The following STX17 variants were observed in gnomAD, a reference collection of about 807,000 sequenced individuals.
STX17 encodes the protein syntaxin 17.
Under a neutral mutation model 35.9 loss-of-function variants are expected in STX17, and 29 were observed. That is an observed-to-expected ratio of 0.81 (90% CI 0.60 to 1.10). STX17 has a LOEUF of 1.10. Among genes scored for constraint, STX17 ranks in the 50% least tolerant of loss-of-function variants. The pLI, the probability that STX17 is intolerant of heterozygous loss-of-function variation, is 0.00. For missense variants in STX17, 312 were observed against 352.3 expected (o/e 0.89, Z 0.92); for synonymous variants, 92 against 118.3 (o/e 0.78, Z 1.44).
chr9:99,958,696 T>A (rs1261644731), intron 4 of STX17, among the ~76,000 whole-genome samples: 1 of 152,250 alleles, frequency 6.6e-6, no homozygotes, highest in East Asian at 1.9e-4. Context: ...CCATTGTGTC[T>A]GCAGCACCTC....
intron 3 of STX17, among the ~76,000 whole-genome samples, chr9:99,940,084 A>G (rs1234866454): frequency 1.3e-5 from 2 of 152,144 alleles, no homozygotes; most frequent in East Asian, 3.8e-4. Flanking sequence ...ACCATATTGG[A>G]TTCTTTAGAT....
intron 3 of STX17, among the ~76,000 whole-genome samples, chr9:99,944,692 T>A (rs1450541965): frequency 1.3e-5 from 2 of 151,994 alleles, no homozygotes; most frequent in Non-Finnish European, 2.9e-5. Flanking sequence ...TTTTTTGTAT[T>A]TTTAGTAGAG....
intron 4 of STX17, among the ~76,000 whole-genome samples, chr9:99,957,736 C>A (rs1369130436): frequency 6.6e-6 from 1 of 151,328 alleles, no homozygotes; most frequent in Non-Finnish European, 1.5e-5. Flanking sequence ...TCACTGCAAC[C>A]TCTGCCTCCC....
intron 2 of STX17, among the ~76,000 whole-genome samples, chr9:99,921,231 A>G (rs780219238): frequency 1.3e-5 from 2 of 152,184 alleles, no homozygotes; most frequent in African/African-American, 4.8e-5. Flanking sequence ...ATATACATGT[A>G]TAGAGCCTAA....
At position 99,951,079 on chromosome 9, in the gene STX17, G is replaced by A. The variant is rs1020039496; in HGVS notation, c.209G>A (p.Arg70Gln). Residue 70 changes from arginine (R) to glutamine (Q), a missense_variant, in exon 4 of 8, where the codon CGA becomes CAA. Physicochemically the swap from Arg to Gln is conservative, Grantham distance 43. Transcript: ENST00000259400. ...TTATAGCAACTCCGATCCAATATCC[G>A]AGAAATTGAGAAACTTTGTTTGAAA... ...RTVQQLRSNI[R>Q]EIEKLCLKVR... The A allele has an allele frequency of 6.8e-6, 11 of 1,609,142 alleles. No individual in the cohort carries two copies. Among genetic ancestry groups the A allele is most frequent in the East Asian group, 2.2e-5 (1 of 44,806 alleles).
At chr9:99,909,014 TCTTGGCA>T (rs1428511147) in intron 1 of STX17, among the ~76,000 whole-genome samples, 1 of 152,228 alleles carries the variant, frequency 6.6e-6, no homozygotes, top group Non-Finnish European at 1.5e-5. Context: ...GAAATCTGAC[TCTTGGCA>T]TTCTACAAAA....
chr9:99,941,302 C>T (rs1829356913), intron 3 of STX17, among the ~76,000 whole-genome samples: 1 of 152,196 alleles, frequency 6.6e-6, no homozygotes, highest in Admixed American at 6.5e-5. Context: ...AGAAACTTTA[C>T]AGTTCAGTTG....
chr9:99,911,354 A>T (rs1201590236), intron 1 of STX17, among the ~76,000 whole-genome samples: 3 of 151,840 alleles, frequency 2.0e-5, no homozygotes, highest in African/African-American at 7.3e-5. Flanking sequence ...TTAATGGCTG[A>T]ACGGTATTTC....
chr9:99,939,411 C>T (rs149006621), intron 3 of STX17, among the ~76,000 whole-genome samples: 2,298 of 152,280 alleles, frequency 0.015, 46 homozygotes, highest in Non-Finnish European at 0.019. Context: ...ATAGGTTCTA[C>T]AGAATCTCAG....
chr9:99,974,188 T>A lies in STX17; in HGVS notation c.*5515T>A, dbSNP rs572171409. 6.6e-6 allele frequency among the ~76,000 whole-genome samples: 1 copy of A among 152,342 alleles called. No homozygotes were observed. Among genetic ancestry groups the A allele is most frequent in the Non-Finnish European group, 1.5e-5 (1 of 68,024 alleles). On this transcript the variant is annotated 3_prime_UTR_variant, in exon 8 of 8. Coordinates refer to ENST00000259400, the MANE Select transcript of STX17 (RefSeq NM_017919.3). ...AAGTATTCTTCAGGAGCATAAATCC[T>A]CCAGCCTTGAATGGACCATTGTCCA...
intron 3 of STX17, among the ~76,000 whole-genome samples, chr9:99,932,027 T>C (rs944495843): frequency 1.3e-5 from 2 of 152,192 alleles, no homozygotes; most frequent in Admixed American, 6.5e-5. Context: ...GTTGTTCTTA[T>C]TTAGTTTTCT....
chr9:99,936,019 C>T (rs903110005), intron 3 of STX17, among the ~76,000 whole-genome samples: 2 of 152,152 alleles, frequency 1.3e-5, no homozygotes. Flanking sequence ...TTTTGGAAGG[C>T]TCTGAGCTTC....
At chr9:99,957,891 G>A (rs1317470387) in intron 4 of STX17, among the ~76,000 whole-genome samples, 1 of 151,730 alleles carries the variant, frequency 6.6e-6, no homozygotes, top group African/African-American at 2.4e-5. Flanking sequence ...GAGCTCAGGT[G>A]GTTTTTTTAC....
In STX17 at chr9:99,940,572, G is replaced by A. The variant is rs188281260; in HGVS notation, c.190-10488G>A. On this transcript the variant is annotated intron_variant, in intron 3 of 7. Transcript: ENST00000259400. ...CAGCTCACTGCAACCTCCACCCCCC[G>A]GCTTCAAGCAATTCCCCTGCCTCAG... Among the ~76,000 whole-genome samples the A allele has an allele frequency of 3.5e-5, 5 of 143,074 alleles. No homozygotes were observed. The South Asian group carries it at 9.2e-4, about 26-fold the overall frequency. The allele number at this position is 143,074 out of a possible 152,430, so 93.9% of individuals were successfully genotyped here.
At chr9:99,936,553 T>A (rs1257223716) in intron 3 of STX17, among the ~76,000 whole-genome samples, 2 of 152,200 alleles carry the variant, frequency 1.3e-5, no homozygotes, top group African/African-American at 2.4e-5. Flanking sequence ...TTTCCTTCTT[T>A]CATGAATTTT....
chr9:99,930,059 C>T (rs1235083797), intron 3 of STX17, among the ~76,000 whole-genome samples: 1 of 150,030 alleles, frequency 6.7e-6, no homozygotes, highest in Non-Finnish European at 1.5e-5. Flanking sequence ...ACTACAGGCA[C>T]CCACCACCAC....
At chr9:99,949,055 G>A (rs1016733119) in intron 3 of STX17, among the ~76,000 whole-genome samples, 2 of 152,106 alleles carry the variant, frequency 1.3e-5, no homozygotes, top group African/African-American at 4.8e-5. Context: ...TCTGGGACTT[G>A]AGGCCTGGGC....
Position 99,915,216 on chromosome 9 carries a change from G to A in STX17, c.-24G>A, listed in dbSNP as rs143454714. 1,628 of 1,600,308 alleles carry A rather than the reference G, an allele frequency of 1.0e-3. 14 individuals are homozygous for A. In the African/African-American group the frequency reaches 0.017, roughly 16 times the overall value. On this transcript the variant is annotated 5_prime_UTR_variant, in exon 2 of 8. Coordinates refer to ENST00000259400, the MANE Select transcript of STX17 (RefSeq NM_017919.3). ...AGTGGAGAAGACAGCTGTTACCAGG[G>A]AGGTCATACAACATTTTTTTAGGAT... is the stretch of plus-strand genomic sequence containing the variant.
intron 4 of STX17, among the ~76,000 whole-genome samples, chr9:99,951,539 A>G (rs1829597016): frequency 1.3e-5 from 2 of 152,038 alleles, no homozygotes; most frequent in African/African-American, 4.8e-5. Flanking sequence ...TTGAAGAGAA[A>G]TTTAAATATA....
Sources: gnomAD v4.1 joint callset for allele counts (sites outside exome capture counted in the v4.1 genomes callset) on GRCh38, gnomAD v4.1.1 for gene constraint, MANE v1.5 for transcripts, NCBI Gene and HGNC (gene_info 2026-07-23, HGNC 2026-07-21) for gene names.